CEP350: variants seen among roughly 807,000 people sequenced by gnomAD.
CEP350 encodes the protein centrosomal protein 350.
A neutral mutation model predicts 331.8 loss-of-function variants in CEP350; 126 were observed. The observed-to-expected ratio is 0.38, with a 90% CI of 0.33 to 0.44. The LOEUF (loss-of-function observed/expected upper bound fraction) is 0.44, where lower values mean the gene tolerates loss of function less well. CEP350 is among the 20% of genes least tolerant of loss of function. The pLI is 1.00. For missense variants in CEP350, 3,406 were observed against 3,634.6 expected (o/e 0.94, Z 1.62); for synonymous variants, 1,200 against 1,259.5 (o/e 0.95, Z 1.00).
At chr1:179,997,513 A>ATGCTG (rs1653543600) in intron 6 of CEP350, among the ~76,000 whole-genome samples, 1 of 151,240 alleles carries the variant, frequency 6.6e-6, no homozygotes, top group South Asian at 2.1e-4. Flanking sequence ...ACTGCACTCC[A>ATGCTG]GCATGGGGCG....
At chr1:180,058,543 T>TA (rs1275466736) in intron 25 of CEP350, among the ~76,000 whole-genome samples, 23 of 152,190 alleles carry the variant, frequency 1.5e-4, no homozygotes, top group African/African-American at 5.3e-4. Context: ...ATAGAAATGA[T>TA]ACACTTCTGG....
chr1:180,061,764 CT>C (rs770029034), intron 25 of CEP350, among the ~76,000 whole-genome samples: 11 of 152,094 alleles, frequency 7.2e-5, no homozygotes, highest in Non-Finnish European at 1.3e-4. Context: ...TTTTAGAAAT[CT>C]CTCCTAAAGA....
rs1474169544 is a variant in CEP350, at chr1:179,971,457, G to A, written c.-13-14712G>A. On this transcript the variant is annotated intron_variant, in intron 1 of 37. Transcript: ENST00000367607. ...TCCAACCTCAATCTCCTGAGTAGTG[G>A]GGACTACAGGTGCATGCCACCACAC... Among the ~76,000 whole-genome samples, 5 of 151,956 alleles carry A rather than the reference G, an allele frequency of 3.3e-5. No homozygotes were observed. The East Asian group carries it at 7.7e-4, about 23-fold the overall frequency.
chr1:180,094,402 C>T lies in CEP350; in HGVS notation c.8297C>T (p.Thr2766Ile). 2 of 1,613,694 alleles carry T rather than the reference C, an allele frequency of 1.2e-6. No individual in the cohort carries two copies. The highest frequency in any genetic ancestry group is 1.7e-6 in the Non-Finnish European group (2 of 1,179,780). Residue 2766 changes from threonine (T) to isoleucine (I), a missense_variant, in exon 34 of 38, where the codon ACA (threonine) becomes ATA (isoleucine). Thr to Ile is a moderately conservative substitution (Grantham distance 89). Coordinates refer to ENST00000367607, the MANE Select transcript of CEP350 (RefSeq NM_014810.5). ...DSLLKVFVKD[T>I]VNQLQQIKKT... ...TTACTAAAAGTCTTTGTAAAGGACA[C>T]AGTCAATCAACTACAACAAATCAAA...
At chr1:179,991,655 G>GTATA (rs199720658) in intron 4 of CEP350, among the ~76,000 whole-genome samples, 3 of 115,490 alleles carry the variant, frequency 2.6e-5, no homozygotes, top group South Asian at 3.0e-4. Flanking sequence ...ACTGTGATAT[G>GTATA]TATATATATA....
intron 16 of CEP350, 119 bp downstream of exon 16, chr1:180,034,201 T>C (rs1656202671): frequency 8.1e-7 from 1 of 1,242,096 alleles, no homozygotes; most frequent in Non-Finnish European, 1.1e-6. Flanking sequence ...TGAATATGAT[T>C]ACTTTTCAAG....
At chr1:179,964,443 A>G (rs1363925635) in intron 1 of CEP350, among the ~76,000 whole-genome samples, 1 of 152,068 alleles carries the variant, frequency 6.6e-6, no homozygotes, top group East Asian at 1.9e-4. Context: ...GAGTAGTTTC[A>G]GTAAGATTGA....
At position 180,020,555 on chromosome 1, in the gene CEP350, A is replaced by G; in HGVS notation, c.2781A>G (p.Arg927=). 6.2e-7 allele frequency: 1 copy of G among 1,614,000 alleles called. No individual in the cohort carries two copies. Among genetic ancestry groups the G allele is most frequent in the Middle Eastern group, 1.6e-4 (1 of 6,062 alleles). The change falls in exon 12 of 38, where the codon AGA becomes AGG. Residue 927 remains arginine (R), a synonymous_variant. Coordinates refer to ENST00000367607, the MANE Select transcript of CEP350 (RefSeq NM_014810.5). The stretch of plus-strand genomic sequence containing the variant: ...TTAAAAAGCTTCCTGAGATGATAAG[A>G]CCACAGAGTGCCATATCAAGCTTTA... ...SEFKKLPEMI[R]PQSAISSFRV...
Position 180,083,832 on chromosome 1 carries a change from C to T in CEP350, c.6125-186C>T, listed in dbSNP as rs562116812. On this transcript the variant is annotated intron_variant, in intron 30 of 37. Transcript: ENST00000367607. The stretch of plus-strand genomic sequence containing the variant: ...CCAAAAATAAAGTGTATGTGGCGGG[C>T]GGCGGGGAGGGTGGGAATTATAGGG... Among the ~76,000 whole-genome samples the T allele has an allele frequency of 1.6e-3, 240 of 151,572 alleles. 1 individual carries two copies. In the Middle Eastern group the frequency reaches 0.024, roughly 15 times the overall value.
intron 2 of CEP350, among the ~76,000 whole-genome samples, chr1:179,986,567 A>G (rs1197309140): frequency 1.3e-5 from 2 of 152,298 alleles, no homozygotes; most frequent in South Asian, 2.1e-4. Context: ...TACAGATAAT[A>G]ATAGTAACAG....
In CEP350 at chr1:180,043,044, G is replaced by A; in HGVS notation, c.4363-12G>A. On this transcript the variant is annotated splice_polypyrimidine_tract_variant and intron_variant, in intron 19 of 37. Coordinates refer to ENST00000367607, the MANE Select transcript of CEP350 (RefSeq NM_014810.5). The stretch of plus-strand genomic sequence containing the variant: ...TAATACATTTGCCTTTCTTGTGTGT[G>A]TTCATGTTTAGATGGCAGAGTTGAC... 6.2e-7 allele frequency: 1 copy of A among 1,608,878 alleles called. No individual in the cohort carries two copies. Among genetic ancestry groups the A allele is most frequent in the Non-Finnish European group, 8.5e-7 (1 of 1,177,398 alleles).
At chr1:180,048,811 G>A (rs1657291972) in intron 22 of CEP350, 106 bp downstream of exon 22, 11 of 857,326 alleles carry the variant, frequency 1.3e-5, no homozygotes, top group Non-Finnish European at 1.8e-5. Context: ...GCTCATGCCA[G>A]TAATTCCAGC....
At chr1:180,075,300 T>C (rs920893420) in intron 28 of CEP350, 79 bp downstream of exon 28, 44 of 1,397,896 alleles carry the variant, frequency 3.1e-5, no homozygotes, top group Non-Finnish European at 3.7e-5. Flanking sequence ...CTTTTAAAAA[T>C]GCGAGGCTGG....
chr1:180,053,874 G>C lies in CEP350; in HGVS notation c.5114G>C (p.Arg1705Pro). Residue 1705 changes from arginine to proline, a missense_variant, in exon 24 of 38, where the codon CGT becomes CCT. Around this residue, in one of 5 missense-constraint regions of CEP350, gnomAD observed 104 missense variants for 143.3 expected, o/e 0.73. Transcript: ENST00000367607. Reference protein sequence around the residue: ...AAHQSSLLRLREKALKEKTKA... With the variant: ...AAHQSSLLRLPEKALKEKTKA... ...CACCAGTCTTCACTCCTGCGTCTCCGTGAAAAGGCCTTGAAGGAGAAGACT... is the reference window on the plus strand; with the variant it reads ...CACCAGTCTTCACTCCTGCGTCTCCCTGAAAAGGCCTTGAAGGAGAAGACT... The C allele has an allele frequency of 6.2e-7, 1 of 1,610,822 alleles. No homozygotes were observed. Among genetic ancestry groups the C allele is most frequent in the Non-Finnish European group, 8.5e-7 (1 of 1,177,918 alleles).
chr1:180,024,721 A>T, intron 14 of CEP350, 139 bp downstream of exon 14: 1 of 965,934 alleles, frequency 1.0e-6, no homozygotes, highest in Non-Finnish European at 1.4e-6. Flanking sequence ...ATTTATCATT[A>T]TAATAATACC....
chr1:180,040,456 TA>T (rs960924169), intron 17 of CEP350, among the ~76,000 whole-genome samples: 16 of 148,232 alleles, frequency 1.1e-4, no homozygotes, highest in South Asian at 4.3e-4. Context: ...TTGTTCTAAT[TA>T]AAAAAAAAAT....
chr1:179,999,453 C>T (rs1653712049), intron 6 of CEP350, among the ~76,000 whole-genome samples: 1 of 151,952 alleles, frequency 6.6e-6, no homozygotes, highest in Non-Finnish European at 1.5e-5. Flanking sequence ...TAGAATATGG[C>T]TTCCGATGTC....
At chr1:179,996,226 G>C (rs2148712280) in intron 5 of CEP350, among the ~76,000 whole-genome samples, 1 of 152,102 alleles carries the variant, frequency 6.6e-6, no homozygotes, top group South Asian at 2.1e-4. Context: ...GGAATTTCTA[G>C]GTTTTTTATT....
chr1:180,022,898 T>C, intron 13 of CEP350, 50 bp downstream of exon 13: 1 of 1,507,542 alleles, frequency 6.6e-7, no homozygotes, highest in Non-Finnish European at 9.0e-7. Context: ...GAGAAAAATG[T>C]ACAAATGAGA....
Sources: gnomAD v4.1 joint callset for allele counts (sites outside exome capture counted in the v4.1 genomes callset) on GRCh38, gnomAD v4.1.1 for gene constraint, gnomAD v4.1.1 regional missense constraint, MANE v1.5 for transcripts, NCBI Gene and HGNC (gene_info 2026-07-23, HGNC 2026-07-21) for gene names.